The following NFIB variants were observed in gnomAD, a reference collection of about 807,000 sequenced individuals.
NFIB encodes the protein nuclear factor 1 B-type.
A neutral mutation model predicts 61.5 loss-of-function variants in NFIB; 11 were observed. The observed-to-expected ratio is 0.18, with a 90% confidence interval of 0.11 to 0.30. The LOEUF (loss-of-function observed/expected upper bound fraction) is 0.30, where lower values mean the gene tolerates loss of function less well. Among genes scored for constraint, NFIB ranks in the 10% least tolerant of loss-of-function variants. The probability of loss-of-function intolerance (pLI) is 1.00; values close to 1 mark genes in which losing one functional copy is unlikely to be tolerated. For synonymous variants in NFIB, 260 were observed against 216.5 expected (o/e 1.20, Z -1.76); for missense variants, 471 against 608.9 (o/e 0.77, Z 2.38).
At chr9:14,378,651 A>C (rs1236736547) in intron 1 of NFIB, among the ~76,000 whole-genome samples, 2 of 152,206 alleles carry the variant, frequency 1.3e-5, no homozygotes, top group Non-Finnish European at 1.5e-5. Context: ...CACCACACCC[A>C]GCCCCAATTA....
intron 3 of NFIB, among the ~76,000 whole-genome samples, chr9:14,163,204 C>T (rs2044393646): frequency 6.6e-6 from 1 of 151,438 alleles, no homozygotes; most frequent in African/African-American, 2.4e-5. Context: ...GAAAAGAAAA[C>T]ACAATAAATA....
intron 1 of NFIB, among the ~76,000 whole-genome samples, chr9:14,346,991 T>C (rs1312822566): frequency 1.3e-5 from 2 of 149,396 alleles, no homozygotes; most frequent in African/African-American, 4.9e-5. Flanking sequence ...AGGACCTAGG[T>C]CTCCTAGGGA....
the NFIB span, among the ~76,000 whole-genome samples, chr9:14,464,688 C>T: frequency 3.9e-5 from 6 of 151,972 alleles, no homozygotes; most frequent in African/African-American, 1.5e-4. Context: ...GCCGAGACCC[C>T]CCAGGGCCCC....
chr9:14,278,746 G>C (rs1036991137), intron 2 of NFIB, among the ~76,000 whole-genome samples: 4 of 152,100 alleles, frequency 2.6e-5, no homozygotes, highest in Admixed American at 6.5e-5. Flanking sequence ...TGACTTTCTT[G>C]GGACAAACTG....
rs934815164 is a variant in NFIB, at chr9:14,229,738, G to A, written c.563-49958C>T. 2.0e-5 allele frequency among the ~76,000 whole-genome samples: 3 copies of A among 152,108 alleles called. No individual in the cohort carries two copies. In the East Asian group the frequency reaches 5.8e-4, roughly 29 times the overall value. ...CAGGGCCCAGTGCAAGACCCTCACT[G>A]AGCCAACCATCTTAGACCTCTCTCT... is the stretch of plus-strand genomic sequence containing the variant. On this transcript the variant is annotated intron_variant, in intron 2 of 10. Coordinates refer to ENST00000380953, the MANE Select transcript of NFIB (RefSeq NM_001190737.2).
chr9:14,261,577 G>C (rs1388889511), intron 2 of NFIB, among the ~76,000 whole-genome samples: 2 of 152,072 alleles, frequency 1.3e-5, no homozygotes, highest in African/African-American at 4.8e-5. Flanking sequence ...TGTGCAAGGG[G>C]GAGAATGCAG....
chr9:14,523,818 C>G, the NFIB span, among the ~76,000 whole-genome samples: 1 of 152,140 alleles, frequency 6.6e-6, no homozygotes, highest in Non-Finnish European at 1.5e-5. Context: ...CCACTTCATA[C>G]TGACTGAGCT....
intron 5 of NFIB, among the ~76,000 whole-genome samples, chr9:14,148,840 C>T (rs989583832): frequency 6.6e-6 from 1 of 152,098 alleles, no homozygotes; most frequent in African/African-American, 2.4e-5. Context: ...TAGTTTCTTC[C>T]CAAAGAATCC....
At chr9:14,204,843 C>T in intron 2 of NFIB, 1 of 457,188 alleles carries the variant, frequency 2.2e-6, no homozygotes, top group Admixed American at 3.0e-5. Flanking sequence ...AAGACCTGCA[C>T]CACTGCTGCC....
At chr9:14,369,870 T>C (rs1250712372) in intron 1 of NFIB, among the ~76,000 whole-genome samples, 1 of 152,198 alleles carries the variant, frequency 6.6e-6, no homozygotes, top group African/African-American at 2.4e-5. Context: ...CAGCCCACTG[T>C]AGGTAAAATT....
At chr9:14,192,400 A>G (rs1489810876) in intron 2 of NFIB, among the ~76,000 whole-genome samples, 1 of 152,160 alleles carries the variant, frequency 6.6e-6, no homozygotes, top group Non-Finnish European at 1.5e-5. Context: ...ATTGCTTTGA[A>G]TCTTACCTAA....
chr9:14,497,101 G>A, the NFIB span, among the ~76,000 whole-genome samples: 1,303 of 152,276 alleles, frequency 8.6e-3, 12 homozygotes, highest in Non-Finnish European at 0.013. Context: ...TGTACTACTT[G>A]AATAGAATGC....
intron 1 of NFIB, among the ~76,000 whole-genome samples, chr9:14,386,243 A>G (rs1055740810): frequency 6.6e-6 from 1 of 152,234 alleles, no homozygotes; most frequent in Non-Finnish European, 1.5e-5. Flanking sequence ...CCTGACTCAT[A>G]AGGATACCTT....
chr9:14,436,364 T>A, the NFIB span, among the ~76,000 whole-genome samples: 1 of 152,338 alleles, frequency 6.6e-6, no homozygotes, highest in East Asian at 1.9e-4. Context: ...TCTGTGAGGC[T>A]GTGTGCCTCA....
intron 1 of NFIB, among the ~76,000 whole-genome samples, chr9:14,320,833 T>C (rs1211148862): frequency 1.3e-5 from 2 of 152,154 alleles, no homozygotes; most frequent in Admixed American, 6.5e-5. Context: ...TTCCCGCCTA[T>C]TGGAAGTTAA....
the NFIB span, among the ~76,000 whole-genome samples, chr9:14,501,560 G>A: frequency 1.3e-5 from 2 of 152,168 alleles, no homozygotes; most frequent in Non-Finnish European, 2.9e-5. Flanking sequence ...TAACAATGAC[G>A]TAATGGATGT....
At position 14,084,344 on chromosome 9, in the gene NFIB, C is replaced by T. The variant is rs143173822; in HGVS notation, c.*3965G>A. ...TATACAGTGTACAAATTACTGTCTACAAGGTAGGCGGTTCATTAAGAAGAC... is the reference window on the plus strand; with the variant it reads ...TATACAGTGTACAAATTACTGTCTATAAGGTAGGCGGTTCATTAAGAAGAC... On this transcript the variant is annotated 3_prime_UTR_variant, in exon 11 of 11. Transcript: ENST00000380953. 195 of 218,012 alleles carry T rather than the reference C, an allele frequency of 8.9e-4. No individual in the cohort carries two copies. Among genetic ancestry groups the T allele is most frequent in the African/African-American group, 4.2e-3 (187 of 44,572 alleles). 13.5% of individuals were successfully genotyped at this position (218,012 alleles called of 1,614,324 possible). A position where few individuals can be genotyped will look rare whatever the true frequency, so the allele number is the denominator to read the frequency against.
rs1360264165 is a variant in NFIB at position 14,222,794 on chromosome 9, T to TGAAAAAA, written c.563-43015_563-43014insTTTTTTC. Reference sequence around the variant, plus strand: ...CTGGGCAACAGAGTAAGATCCTGTCTCAAAAAAAAAAAAAAGAAAGAAAGA... The same window carrying TGAAAAAA: ...CTGGGCAACAGAGTAAGATCCTGTCTGAAAAAACAAAAAAAAAAAAAAGAAAGAAAGA... On this transcript the variant is annotated intron_variant, in intron 2 of 10. Coordinates refer to ENST00000380953, the MANE Select transcript of NFIB (RefSeq NM_001190737.2). 2.2e-3 allele frequency among the ~76,000 whole-genome samples: 7 copies of TGAAAAAA among 3,228 alleles called. 1 individual carries two copies. The highest frequency in any genetic ancestry group is 5.3e-3 in the South Asian group (1 of 190). The allele number at this position is 3,228 out of a possible 152,430, so 2.1% of individuals were successfully genotyped here.
At chr9:14,202,057 G>T (rs79139933) in intron 2 of NFIB, among the ~76,000 whole-genome samples, 4,354 of 151,730 alleles carry the variant, frequency 0.029, 207 homozygotes, top group African/African-American at 0.097. Flanking sequence ...CAGGTAAAAT[G>T]TGCTCTCTAT....
Sources: gnomAD v4.1 joint callset for allele counts (sites outside exome capture counted in the v4.1 genomes callset) on GRCh38, gnomAD v4.1.1 for gene constraint, MANE v1.5 for transcripts, NCBI Gene and HGNC (gene_info 2026-07-23, HGNC 2026-07-21) for gene names.